LRRFIP2: variants seen among roughly 807,000 people sequenced by gnomAD.
LRRFIP2 encodes the protein leucine-rich repeat flightless-interacting protein 2.
LRRFIP2 carries 109 observed loss-of-function variants against 125.9 expected under a neutral mutation model. That is an observed-to-expected ratio of 0.87 (90% CI 0.74 to 1.01). LRRFIP2 has a LOEUF of 1.01. Ranked by LOEUF, LRRFIP2 falls within the 50% of genes least tolerant of loss-of-function variation. LRRFIP2 has a pLI of 0.00. For missense variants in LRRFIP2, 850 were observed against 862.3 expected (o/e 0.99, Z 0.18); for synonymous variants, 291 against 293.1 (o/e 0.99, Z 0.07).
intron 14 of LRRFIP2, among the ~76,000 whole-genome samples, chr3:37,104,304 T>C (rs925963274): frequency 6.6e-6 from 1 of 152,224 alleles, no homozygotes; most frequent in Non-Finnish European, 1.5e-5. Flanking sequence ...TAACAGGTAG[T>C]AGAAGTGGAT....
chr3:37,170,364 A>G (rs1490845328), intron 1 of LRRFIP2: 1 of 152,258 alleles, frequency 6.6e-6, no homozygotes, highest in African/African-American at 2.4e-5. Context: ...AAGTGACATC[A>G]GTTAAAGAAC....
Position 37,108,622 on chromosome 3 carries a change from C to T in LRRFIP2, c.657+15G>A, listed in dbSNP as rs1297116749. 6.2e-7 allele frequency: 1 copy of T among 1,600,634 alleles called. No individual in the cohort carries two copies. Among genetic ancestry groups the T allele is most frequent in the African/African-American group, 1.3e-5 (1 of 74,710 alleles). The stretch of plus-strand genomic sequence containing the variant: ...ATTTCCCTCCTCTTCACCACCTTCC[C>T]CTATTTAGACTTACAGTTCGAGGAC... On this transcript the variant is annotated intron_variant, in intron 12 of 27. Coordinates refer to ENST00000336686, the MANE Select transcript of LRRFIP2 (RefSeq NM_006309.4).
At chr3:37,082,063 G>C (rs2092690454) in intron 19 of LRRFIP2, among the ~76,000 whole-genome samples, 1 of 152,060 alleles carries the variant, frequency 6.6e-6, no homozygotes, top group Admixed American at 6.6e-5. Flanking sequence ...ACGATGGAAA[G>C]ATAATTCATT....
chr3:37,086,372 A>G (rs893730184), intron 18 of LRRFIP2, among the ~76,000 whole-genome samples: 1 of 152,242 alleles, frequency 6.6e-6, no homozygotes, highest in African/African-American at 2.4e-5. Flanking sequence ...TATTCCTAGC[A>G]ATCTACCAAA....
At chr3:37,105,411 C>A in intron 14 of LRRFIP2, 44 bp downstream of exon 14, 2 of 1,513,314 alleles carry the variant, frequency 1.3e-6, no homozygotes, top group South Asian at 2.2e-5. Context: ...GCATTGCTGT[C>A]ATTTAAAACT....
intron 18 of LRRFIP2, among the ~76,000 whole-genome samples, chr3:37,089,653 T>C (rs1272564913): frequency 6.6e-6 from 1 of 152,222 alleles, no homozygotes; most frequent in Non-Finnish European, 1.5e-5. Context: ...TGTTCTTTTG[T>C]ATTCTTCAAA....
chr3:37,090,066 G>C lies in LRRFIP2; in HGVS notation c.1107+1401C>G, dbSNP rs549850797. Among the ~76,000 whole-genome samples, 14 of 152,258 alleles carry C rather than the reference G, an allele frequency of 9.2e-5. No individual in the cohort carries two copies. The South Asian group carries it at 1.0e-3, about 11-fold the overall frequency. On this transcript the variant is annotated intron_variant, in intron 18 of 27. Transcript: ENST00000336686. ...ACCATATCACTTGCATGAAGAGTTT[G>C]GCTGATAGTGGCGCTACTTCAAATC...
At chr3:37,063,833 T>C in intron 23 of LRRFIP2, 42 bp from the exon 24 acceptor site, 2 of 1,441,826 alleles carry the variant, frequency 1.4e-6, no homozygotes, top group Non-Finnish European at 2.0e-6. Context: ...TATGTGATGA[T>C]ATAGTACATA....
chr3:37,059,154 T>G (rs562098979), intron 24 of LRRFIP2, among the ~76,000 whole-genome samples: 4 of 152,318 alleles, frequency 2.6e-5, no homozygotes, highest in Non-Finnish European at 4.4e-5. Flanking sequence ...TAGCCATATT[T>G]TAAATTTGTG....
chr3:37,132,926 C>T (rs1408663266), intron 2 of LRRFIP2, among the ~76,000 whole-genome samples: 1 of 152,096 alleles, frequency 6.6e-6, no homozygotes, highest in African/African-American at 2.4e-5. Flanking sequence ...CAAGATTTAA[C>T]TAAATTCACA....
chr3:37,134,114 G>A (rs1360667982), intron 2 of LRRFIP2, among the ~76,000 whole-genome samples: 1 of 150,350 alleles, frequency 6.7e-6, no homozygotes, highest in African/African-American at 2.5e-5. Context: ...CCTGGGAGAC[G>A]AAGGTTGCAG....
chr3:37,172,295 A>G (rs1466022637), intron 1 of LRRFIP2, among the ~76,000 whole-genome samples: 4 of 152,238 alleles, frequency 2.6e-5, no homozygotes, highest in Non-Finnish European at 5.9e-5. Flanking sequence ...GGTAAAATAA[A>G]TTACGGAAAA....
chr3:37,072,570 C>T (rs1281075780), intron 21 of LRRFIP2, among the ~76,000 whole-genome samples: 2 of 148,498 alleles, frequency 1.3e-5, no homozygotes, highest in Admixed American at 6.7e-5. Context: ...AAAGTTCCTA[C>T]TTATACATTT....
intron 13 of LRRFIP2, among the ~76,000 whole-genome samples, chr3:37,105,958 G>A (rs894039047): frequency 3.3e-5 from 5 of 152,010 alleles, no homozygotes; most frequent in Admixed American, 6.6e-5. Flanking sequence ...CCAGCTACTC[G>A]GGAGGCCGAG....
intron 1 of LRRFIP2, among the ~76,000 whole-genome samples, chr3:37,149,423 A>G (rs1278836517): frequency 6.6e-6 from 1 of 152,136 alleles, no homozygotes; most frequent in African/African-American, 2.4e-5. Flanking sequence ...AGGCTGAGGC[A>G]GGAAAATCAC....
chr3:37,087,147 G>A (rs1351578853), intron 18 of LRRFIP2, among the ~76,000 whole-genome samples: 2 of 152,086 alleles, frequency 1.3e-5, no homozygotes. Context: ...ACCACGCCTG[G>A]CCACACACAC....
rs151243031 is a variant in LRRFIP2 at position 37,140,591 on chromosome 3, C to T, written c.90+8303G>A. The stretch of plus-strand genomic sequence containing the variant: ...CTACTAAAAACAAAAATTAGCCGGG[C>T]GTGGTAGCGCAAGATCATGCCACAG... On this transcript the variant is annotated intron_variant, in intron 2 of 27. Transcript: ENST00000336686. 6.6e-3 allele frequency among the ~76,000 whole-genome samples: 976 copies of T among 147,234 alleles called. 6 individuals are homozygous for T. The highest frequency in any genetic ancestry group is 0.014 in the Middle Eastern group (4 of 292).
chr3:37,152,632 G>A (rs959309520), intron 1 of LRRFIP2, among the ~76,000 whole-genome samples: 1 of 151,950 alleles, frequency 6.6e-6, no homozygotes, highest in African/African-American at 2.4e-5. Context: ...TAGTAGAGAC[G>A]GGGTTTCACC....
intron 25 of LRRFIP2, among the ~76,000 whole-genome samples, chr3:37,056,599 A>T (rs1000617242): frequency 2.6e-5 from 4 of 151,858 alleles, no homozygotes; most frequent in Admixed American, 2.6e-4. Context: ...GACTACAGGC[A>T]CCCGCCACCA....
Sources: gnomAD v4.1 joint callset for allele counts (sites outside exome capture counted in the v4.1 genomes callset) on GRCh38, gnomAD v4.1.1 for gene constraint, MANE v1.5 for transcripts, NCBI Gene and HGNC (gene_info 2026-07-23, HGNC 2026-07-21) for gene names.